FAM168A: variants seen among roughly 807,000 people sequenced by gnomAD.
FAM168A encodes protein FAM168A.
Under a neutral mutation model 28.5 loss-of-function variants are expected in FAM168A, and 3 were observed. The ratio of observed to expected loss-of-function variants is 0.11; its 90% confidence interval spans 0.05 to 0.27. FAM168A has a LOEUF of 0.27. Among genes scored for constraint, FAM168A ranks in the 10% least tolerant of loss-of-function variants. The probability of loss-of-function intolerance (pLI) is 1.00; values close to 1 mark genes in which losing one functional copy is unlikely to be tolerated. For synonymous variants in FAM168A, 122 were observed against 124.2 expected, an observed-to-expected ratio of 0.98 and a Z score of 0.12; for missense variants, 222 against 311.5, an observed-to-expected ratio of 0.71 and a Z score of 2.16.
rs911199739 is a variant in FAM168A at position 73,580,286 on chromosome 11, A to G, written c.-19+17637T>C. On this transcript the variant is annotated intron_variant, in intron 1 of 7. Coordinates refer to ENST00000356467, the MANE Select transcript of FAM168A (RefSeq NM_015159.3). Reference sequence around the variant, plus strand: ...GAAAGGCTGAAGGGGATGCTAAAGGAGATAAAGCCAAGGTGAAGGATGAAC... The same window carrying G: ...GAAAGGCTGAAGGGGATGCTAAAGGGGATAAAGCCAAGGTGAAGGATGAAC... 1.4e-4 allele frequency: 82 copies of G among 565,632 alleles called. 1 individual carries two copies. The highest frequency in any genetic ancestry group is 1.0e-3 in the South Asian group (73 of 72,418). 35.0% of individuals were successfully genotyped at this position (565,632 alleles called of 1,614,324 possible).
At chr11:73,591,547 T>C (rs1359693540) in intron 1 of FAM168A, among the ~76,000 whole-genome samples, 1 of 152,182 alleles carries the variant, frequency 6.6e-6, no homozygotes, top group African/African-American at 2.4e-5. Flanking sequence ...AGATATAGTC[T>C]TGCCCAAGCT....
At chr11:73,593,830 T>G (rs1348048837) in intron 1 of FAM168A, among the ~76,000 whole-genome samples, 1 of 152,236 alleles carries the variant, frequency 6.6e-6, no homozygotes, top group Non-Finnish European at 1.5e-5. Flanking sequence ...GAGCCCATTG[T>G]GCCCAACGTC....
chr11:73,413,667 T>G (rs1025555225), intron 4 of FAM168A, among the ~76,000 whole-genome samples: 3 of 152,212 alleles, frequency 2.0e-5, no homozygotes, highest in Non-Finnish European at 1.5e-5. Context: ...TAATAGTTGT[T>G]TTTGCCAAAG....
intron 1 of FAM168A, among the ~76,000 whole-genome samples, chr11:73,518,622 G>A (rs748525093): frequency 5.3e-5 from 8 of 152,044 alleles, no homozygotes; most frequent in Non-Finnish European, 1.2e-4. Context: ...TTTGGGCCAG[G>A]TGCAGTGGCT....
chr11:73,446,564 G>A (rs2134540004), intron 2 of FAM168A, among the ~76,000 whole-genome samples: 1 of 152,310 alleles, frequency 6.6e-6, no homozygotes, highest in East Asian at 1.9e-4. Context: ...TCATGCCCAT[G>A]CAACCTGTCA....
At chr11:73,559,074 T>C (rs556806002) in intron 1 of FAM168A, among the ~76,000 whole-genome samples, 251 of 152,322 alleles carry the variant, frequency 1.6e-3, no homozygotes, top group African/African-American at 5.8e-3. Flanking sequence ...AGCATATCTA[T>C]ACAATGTAAT....
chr11:73,471,309 T>C (rs1867810513), intron 1 of FAM168A, among the ~76,000 whole-genome samples: 1 of 152,154 alleles, frequency 6.6e-6, no homozygotes, highest in Non-Finnish European at 1.5e-5. Flanking sequence ...CTTCTGAGTC[T>C]CTGTTTCCTC....
intron 1 of FAM168A, among the ~76,000 whole-genome samples, chr11:73,527,991 T>C (rs1317546812): frequency 2.0e-5 from 3 of 152,160 alleles, no homozygotes. Flanking sequence ...AAAGATGACA[T>C]TGATCCAAGG....
intron 3 of FAM168A, among the ~76,000 whole-genome samples, chr11:73,422,815 G>A (rs1866822020): frequency 6.6e-6 from 1 of 152,100 alleles, no homozygotes; most frequent in South Asian, 2.1e-4. Context: ...AGAACCCTTG[G>A]CAGTGAAGGG....
chr11:73,462,426 T>C (rs1162058841), intron 2 of FAM168A, among the ~76,000 whole-genome samples: 4 of 152,118 alleles, frequency 2.6e-5, no homozygotes, highest in Non-Finnish European at 5.9e-5. Flanking sequence ...AGGTTGGTGA[T>C]TGCCAGGAGC....
chr11:73,480,678 A>T (rs1455078181), intron 1 of FAM168A, among the ~76,000 whole-genome samples: 1 of 152,022 alleles, frequency 6.6e-6, no homozygotes, highest in African/African-American at 2.4e-5. Flanking sequence ...AGAGTGCAAG[A>T]GTTAACAATG....
chr11:73,594,550 T>A (rs531203224), intron 1 of FAM168A, among the ~76,000 whole-genome samples: 1 of 152,076 alleles, frequency 6.6e-6, no homozygotes, highest in Non-Finnish European at 1.5e-5. Flanking sequence ...TTTTGTTTGT[T>A]TGTTTTGAGA....
intron 1 of FAM168A, among the ~76,000 whole-genome samples, chr11:73,491,075 C>T (rs777358813): frequency 9.2e-5 from 14 of 152,118 alleles, no homozygotes; most frequent in Non-Finnish European, 1.8e-4. Context: ...TTCAGTTGGC[C>T]TCACTGAAAT....
At chr11:73,520,844 T>C (rs762502363) in intron 1 of FAM168A, among the ~76,000 whole-genome samples, 9 of 151,736 alleles carry the variant, frequency 5.9e-5, no homozygotes, top group South Asian at 2.1e-4. Flanking sequence ...GATGTGGTTA[T>C]ATATTATTTT....
At position 73,573,686 on chromosome 11, in the gene FAM168A, C is replaced by T. The variant is rs529645546; in HGVS notation, c.-19+24237G>A. ...GGGCACAGTGGCTCATGCCCGTAAT[C>T]CCAGCACTTTGGGAGGCCAAGACAG... On this transcript the variant is annotated intron_variant, in intron 1 of 7. Coordinates refer to ENST00000356467, the MANE Select transcript of FAM168A (RefSeq NM_015159.3). 6.0e-3 allele frequency among the ~76,000 whole-genome samples: 908 copies of T among 152,276 alleles called. 6 individuals carry two copies. Among genetic ancestry groups the T allele is most frequent in the Non-Finnish European group, 9.2e-3 (626 of 68,014 alleles).
Position 73,543,557 on chromosome 11 carries a change from G to A in FAM168A, c.-19+54366C>T, listed in dbSNP as rs578252612. Among the ~76,000 whole-genome samples the A allele has an allele frequency of 7.9e-5, 12 of 152,078 alleles. No individual in the cohort carries two copies. The South Asian group carries it at 1.9e-3, about 24-fold the overall frequency. ...ATTACAGGCATGAGCTACCGCGCTC[G>A]GCCCATTAATTGTTCTTTAACTATA... On this transcript the variant is annotated intron_variant, in intron 1 of 7. Coordinates refer to ENST00000356467, the MANE Select transcript of FAM168A (RefSeq NM_015159.3).
At chr11:73,567,012 T>C (rs889298287) in intron 1 of FAM168A, among the ~76,000 whole-genome samples, 4 of 152,202 alleles carry the variant, frequency 2.6e-5, no homozygotes, top group African/African-American at 9.6e-5. Context: ...TAACAGCGTA[T>C]AGTTAAGTCC....
chr11:73,495,113 T>C (rs949158370), intron 1 of FAM168A, among the ~76,000 whole-genome samples: 7 of 148,662 alleles, frequency 4.7e-5, no homozygotes, highest in African/African-American at 1.8e-4. Flanking sequence ...ATTTGAGGCT[T>C]AATGGTATAG....
chr11:73,530,101 T>C (rs553985507), intron 1 of FAM168A, among the ~76,000 whole-genome samples: 5 of 152,268 alleles, frequency 3.3e-5, no homozygotes, highest in Admixed American at 3.3e-4. Flanking sequence ...CAGTAATTAA[T>C]GATCAACTTT....
Sources: allele counts gnomAD v4.1 joint callset (sites outside exome capture counted in the v4.1 genomes callset), GRCh38; gene constraint gnomAD v4.1.1; transcripts MANE v1.5; gene names NCBI Gene and HGNC (gene_info 2026-07-23, HGNC 2026-07-21).